CNTNAP5: variants seen among roughly 807,000 people sequenced by gnomAD.
The protein encoded by CNTNAP5 is contactin-associated protein-like 5.
CNTNAP5 carries 72 observed loss-of-function variants against 150.2 expected under a neutral mutation model. That is an observed-to-expected ratio of 0.48 (90% CI 0.40 to 0.58). The LOEUF (loss-of-function observed/expected upper bound fraction) is 0.58, where lower values mean the gene tolerates loss of function less well. CNTNAP5 is among the 20% of genes least tolerant of loss of function. The pLI is 0.00. For missense variants in CNTNAP5, 1,636 were observed against 1,626.2 expected (o/e 1.01, Z -0.10); for synonymous variants, 672 against 619.8 (o/e 1.08, Z -1.25).
At chr2:124,878,653 G>T (rs948976632) in intron 21 of CNTNAP5, among the ~76,000 whole-genome samples, 2 of 151,596 alleles carry the variant, frequency 1.3e-5, no homozygotes, top group Non-Finnish European at 1.5e-5. Flanking sequence ...AACAGTGGAG[G>T]TGGTAGTGTG....
chr2:124,050,874 G>A (rs924887758), intron 1 of CNTNAP5, among the ~76,000 whole-genome samples: 7 of 152,178 alleles, frequency 4.6e-5, no homozygotes, highest in Non-Finnish European at 7.3e-5. Flanking sequence ...ATTTATAGTA[G>A]GGACCAGCCC....
chr2:124,896,723 G>T (rs992970510), intron 21 of CNTNAP5, among the ~76,000 whole-genome samples: 5 of 151,366 alleles, frequency 3.3e-5, no homozygotes, highest in Non-Finnish European at 5.9e-5. Context: ...ATTTTTAGTA[G>T]AGACGGGGTT....
intron 8 of CNTNAP5, among the ~76,000 whole-genome samples, chr2:124,509,171 A>C (rs917296889): frequency 2.6e-5 from 4 of 152,218 alleles, no homozygotes; most frequent in Admixed American, 2.6e-4. Flanking sequence ...AGCTTTGTAC[A>C]GTGTGCTTGG....
At chr2:124,802,851 G>A (rs939148446) in intron 19 of CNTNAP5, among the ~76,000 whole-genome samples, 2 of 152,126 alleles carry the variant, frequency 1.3e-5, no homozygotes, top group Non-Finnish European at 2.9e-5. Flanking sequence ...CTGGCCAGGC[G>A]CGGTGGCTCA....
chr2:124,484,694 A>G (rs1313254718), intron 7 of CNTNAP5, among the ~76,000 whole-genome samples: 2 of 152,190 alleles, frequency 1.3e-5, no homozygotes, highest in African/African-American at 4.8e-5. Flanking sequence ...TGCTCGACAA[A>G]TGGCCTTTTA....
chr2:124,078,830 C>T (rs1682495780), intron 1 of CNTNAP5, among the ~76,000 whole-genome samples: 1 of 151,994 alleles, frequency 6.6e-6, no homozygotes, highest in Non-Finnish European at 1.5e-5. Flanking sequence ...AAGGAGGAAA[C>T]GTCAATATAT....
intron 6 of CNTNAP5, among the ~76,000 whole-genome samples, chr2:124,474,422 A>G (rs936119826): frequency 3.3e-5 from 5 of 151,990 alleles, no homozygotes; most frequent in Non-Finnish European, 5.9e-5. Flanking sequence ...TGGATAAGAG[A>G]TAATTATAAA....
At chr2:124,396,443 G>A (rs1691246178) in intron 3 of CNTNAP5, among the ~76,000 whole-genome samples, 1 of 152,148 alleles carries the variant, frequency 6.6e-6, no homozygotes, top group African/African-American at 2.4e-5. Context: ...TATTGGAGAA[G>A]GCTAATCAAT....
intron 10 of CNTNAP5, among the ~76,000 whole-genome samples, chr2:124,534,628 A>G (rs1159319929): frequency 6.6e-6 from 1 of 152,176 alleles, no homozygotes; most frequent in Non-Finnish European, 1.5e-5. Flanking sequence ...TAGTCCCAGC[A>G]TTTTGGGAGG....
chr2:124,631,948 T>C (rs1677869352), intron 12 of CNTNAP5, among the ~76,000 whole-genome samples: 1 of 151,988 alleles, frequency 6.6e-6, no homozygotes, highest in Non-Finnish European at 1.5e-5. Context: ...ATGCGGCCAA[T>C]AAACATGAAA....
chr2:124,623,033 G>A (rs1185800535), intron 12 of CNTNAP5, among the ~76,000 whole-genome samples: 5 of 152,182 alleles, frequency 3.3e-5, no homozygotes, highest in Admixed American at 3.3e-4. Context: ...GCTGTCTAGA[G>A]ATGAAGCTTC....
intron 3 of CNTNAP5, among the ~76,000 whole-genome samples, chr2:124,287,238 T>C (rs1688178242): frequency 6.6e-6 from 1 of 152,186 alleles, no homozygotes; most frequent in Non-Finnish European, 1.5e-5. Context: ...ATTATCTCCA[T>C]TGGATAAATG....
intron 13 of CNTNAP5, among the ~76,000 whole-genome samples, chr2:124,682,953 C>T (rs935606705): frequency 6.6e-6 from 1 of 152,202 alleles, no homozygotes; most frequent in Non-Finnish European, 1.5e-5. Flanking sequence ...ACGTAAACAA[C>T]TGCAGTGATC....
chr2:124,206,990 C>G lies in CNTNAP5; in HGVS notation c.83-14715C>G, dbSNP rs185038927. Among the ~76,000 whole-genome samples the G allele has an allele frequency of 2.6e-5, 4 of 152,300 alleles. No homozygotes were observed. The East Asian group carries it at 5.8e-4, about 22-fold the overall frequency. The stretch of plus-strand genomic sequence containing the variant: ...ATTTTTTTAACTTTTCACATATATT[C>G]TGTTCAACTCTGTATGGCAAATATG... On this transcript the variant is annotated intron_variant, in intron 1 of 23. Coordinates refer to ENST00000682447, the MANE Select transcript of CNTNAP5 (RefSeq NM_001367498.1).
At chr2:124,697,705 G>A (rs902590375) in intron 13 of CNTNAP5, among the ~76,000 whole-genome samples, 11 of 151,628 alleles carry the variant, frequency 7.3e-5, no homozygotes, top group African/African-American at 2.4e-4. Flanking sequence ...AGTGCCCTCC[G>A]GAGTGCAGAC....
intron 21 of CNTNAP5, among the ~76,000 whole-genome samples, chr2:124,883,614 C>A (rs62173289): frequency 6.6e-6 from 1 of 151,948 alleles, no homozygotes; most frequent in Admixed American, 6.6e-5. Context: ...ATATGTATGT[C>A]CATGTGTGGT....
chr2:124,602,044 A>T (rs1290586391), intron 11 of CNTNAP5, among the ~76,000 whole-genome samples: 1 of 152,168 alleles, frequency 6.6e-6, no homozygotes, highest in East Asian at 1.9e-4. Context: ...ATTTTCAAAC[A>T]TATGAAAAAG....
At chr2:124,202,832 C>G in intron 1 of CNTNAP5, among the ~76,000 whole-genome samples, 1 of 152,104 alleles carries the variant, frequency 6.6e-6, no homozygotes, top group East Asian at 1.9e-4. Flanking sequence ...CCCACTGGGT[C>G]CCTCCTATAA....
chr2:124,576,466 A>C (rs934839268), intron 11 of CNTNAP5, among the ~76,000 whole-genome samples: 2 of 152,226 alleles, frequency 1.3e-5, no homozygotes, highest in Admixed American at 6.5e-5. Flanking sequence ...TAACTGTTAC[A>C]TAACATATGC....
Sources: allele counts gnomAD v4.1 joint callset (sites outside exome capture counted in the v4.1 genomes callset), GRCh38; gene constraint gnomAD v4.1.1; transcripts MANE v1.5; gene names NCBI Gene and HGNC (gene_info 2026-07-23, HGNC 2026-07-21).